The following MGMT variants were observed in gnomAD, a reference collection of about 807,000 sequenced individuals.
MGMT encodes the protein O-6-methylguanine-DNA methyltransferase.
Under a neutral mutation model 15.9 loss-of-function variants are expected in MGMT, and 14 were observed. The ratio of observed to expected loss-of-function variants is 0.88; its 90% confidence interval spans 0.58 to 1.37. The LOEUF (loss-of-function observed/expected upper bound fraction) is 1.37, where lower values mean the gene tolerates loss of function less well. MGMT is among the 40% of genes most tolerant of loss of function. The pLI is 0.00. For synonymous variants in MGMT, 130 were observed against 118.2 expected, an observed-to-expected ratio of 1.10 and a Z score of -0.65; for missense variants, 282 against 268.1, an observed-to-expected ratio of 1.05 and a Z score of -0.36.
At chr10:129,711,179 CCAGGAT>C (rs1848228903) in intron 3 of MGMT, among the ~76,000 whole-genome samples, 1 of 152,202 alleles carries the variant, frequency 6.6e-6, no homozygotes. Flanking sequence ...ACCTCACCTT[CCAGGAT>C]TCCTCTCTGG....
intron 3 of MGMT, among the ~76,000 whole-genome samples, chr10:129,721,070 A>C (rs1848365640): frequency 6.6e-6 from 1 of 152,196 alleles, no homozygotes; most frequent in African/African-American, 2.4e-5. Flanking sequence ...GCAAGTTGAT[A>C]GTTTCGTTAT....
At chr10:129,737,257 T>G (rs1161314367) in intron 3 of MGMT, among the ~76,000 whole-genome samples, 4 of 152,220 alleles carry the variant, frequency 2.6e-5, no homozygotes, top group Admixed American at 2.0e-4. Flanking sequence ...TGTGCGCGTT[T>G]CTTTTTATTC....
chr10:129,638,428 G>GAAAAAAAA (rs1847286251), intron 2 of MGMT, among the ~76,000 whole-genome samples: 1 of 41,108 alleles, frequency 2.4e-5, no homozygotes, highest in South Asian at 5.6e-4. Flanking sequence ...GACCAAAGAG[G>GAAAAAAAA]CAAAAAAAAA....
At chr10:129,586,511 G>T (rs1011744185) in intron 2 of MGMT, among the ~76,000 whole-genome samples, 4 of 152,196 alleles carry the variant, frequency 2.6e-5, no homozygotes, top group Admixed American at 6.5e-5. Context: ...CTTCGTGTCT[G>T]AGTTCTTCCA....
intron 1 of MGMT, among the ~76,000 whole-genome samples, chr10:129,489,017 G>A (rs1175374564): frequency 6.6e-6 from 1 of 152,058 alleles, no homozygotes; most frequent in Non-Finnish European, 1.5e-5. Flanking sequence ...TTGTCTTTCT[G>A]TACTAACGCC....
At chr10:129,531,141 A>G (rs1488215604) in intron 1 of MGMT, among the ~76,000 whole-genome samples, 1 of 152,084 alleles carries the variant, frequency 6.6e-6, no homozygotes, top group Non-Finnish European at 1.5e-5. Context: ...CCCCCGTTGA[A>G]TGGCCCTCTC....
intron 1 of MGMT, among the ~76,000 whole-genome samples, chr10:129,475,444 G>A (rs970286212): frequency 1.3e-5 from 2 of 152,166 alleles, no homozygotes; most frequent in Non-Finnish European, 1.5e-5. Flanking sequence ...GGCCTTTAAC[G>A]CTCGAGGGGA....
chr10:129,682,935 A>G (rs753460249), intron 2 of MGMT, among the ~76,000 whole-genome samples: 1 of 152,142 alleles, frequency 6.6e-6, no homozygotes, highest in Non-Finnish European at 1.5e-5. Context: ...TGCAAACTTC[A>G]TCTCCCGGGT....
chr10:129,737,658 C>A (rs1002855180), intron 3 of MGMT, among the ~76,000 whole-genome samples: 2 of 152,188 alleles, frequency 1.3e-5, no homozygotes, highest in Admixed American at 1.3e-4. Flanking sequence ...AGTTTTTCTG[C>A]TCTGTTTTTT....
intron 2 of MGMT, among the ~76,000 whole-genome samples, chr10:129,703,286 G>A (rs1334698071): frequency 2.6e-5 from 4 of 152,190 alleles, no homozygotes; most frequent in Admixed American, 6.5e-5. Flanking sequence ...CCCTTTAAGA[G>A]TGGGAACTGC....
intron 2 of MGMT, among the ~76,000 whole-genome samples, chr10:129,590,355 C>T (rs988441404): frequency 2.0e-5 from 3 of 152,092 alleles, no homozygotes; most frequent in Non-Finnish European, 4.4e-5. Flanking sequence ...TACCTGGATC[C>T]CAGAGTTCTA....
rs1452900458 is a variant in MGMT, at chr10:129,487,933, GTGTA to G, written c.-13+20639_-13+20642del. On this transcript the variant is annotated intron_variant, in intron 1 of 4. Transcript: ENST00000651593. ...TAGGGGTGTGTGTGTGTGTGTGTGT[GTGTA>G]TATATATACACACACAAACACACAT... Among the ~76,000 whole-genome samples, 33 of 143,244 alleles carry G rather than the reference GTGTA, an allele frequency of 2.3e-4. 1 individual carries two copies. Among genetic ancestry groups the G allele is most frequent in the African/African-American group, 8.5e-4 (32 of 37,776 alleles). The allele number at this position is 143,244 out of a possible 152,430, so 94.0% of individuals were successfully genotyped here.
At chr10:129,491,051 T>A (rs969962734) in intron 1 of MGMT, among the ~76,000 whole-genome samples, 2 of 152,158 alleles carry the variant, frequency 1.3e-5, no homozygotes, top group Non-Finnish European at 2.9e-5. Flanking sequence ...TGTCACTGTT[T>A]AAACGTTTGG....
intron 1 of MGMT, among the ~76,000 whole-genome samples, chr10:129,483,616 T>C (rs929018802): frequency 2.6e-5 from 4 of 152,204 alleles, no homozygotes; most frequent in African/African-American, 9.7e-5. Context: ...TGATGATCAG[T>C]TTGCCGTCAT....
chr10:129,695,938 G>C (rs1010927560), intron 2 of MGMT, among the ~76,000 whole-genome samples: 1 of 152,184 alleles, frequency 6.6e-6, no homozygotes, highest in Admixed American at 6.5e-5. Flanking sequence ...ATGTGGGCTT[G>C]TCATGATTCG....
intron 2 of MGMT, among the ~76,000 whole-genome samples, chr10:129,600,229 A>C (rs1846803616): frequency 6.6e-6 from 1 of 151,970 alleles, no homozygotes; most frequent in African/African-American, 2.4e-5. Flanking sequence ...TCTCGCACAA[A>C]ATTATTTTCC....
chr10:129,597,916 G>T (rs1012377983), intron 2 of MGMT, among the ~76,000 whole-genome samples: 1 of 152,214 alleles, frequency 6.6e-6, no homozygotes, highest in Non-Finnish European at 1.5e-5. Context: ...TAGGGAGGTT[G>T]TGGCATTGAC....
chr10:129,570,568 T>C (rs1317694512), intron 2 of MGMT, among the ~76,000 whole-genome samples: 2 of 152,262 alleles, frequency 1.3e-5, no homozygotes, highest in East Asian at 3.8e-4. Flanking sequence ...GAAATGAAAA[T>C]ACTGCCATGA....
At chr10:129,527,057 C>G (rs1292822256) in intron 1 of MGMT, among the ~76,000 whole-genome samples, 2 of 152,248 alleles carry the variant, frequency 1.3e-5, no homozygotes, top group Non-Finnish European at 2.9e-5. Flanking sequence ...GGGAGCACTA[C>G]CAGCCTGTGG....
Sources: allele counts gnomAD v4.1 joint callset (sites outside exome capture counted in the v4.1 genomes callset), GRCh38; gene constraint gnomAD v4.1.1; transcripts MANE v1.5; gene names NCBI Gene and HGNC (gene_info 2026-07-23, HGNC 2026-07-21).